The following PCDHGA2 variants were observed in gnomAD, a reference collection of about 807,000 sequenced individuals.
PCDHGA2 encodes the protein protocadherin gamma subfamily A, 2.
Under a neutral mutation model 59.2 loss-of-function variants are expected in PCDHGA2, and 40 were observed. That is an observed-to-expected ratio of 0.68 (90% confidence interval 0.52 to 0.88). The LOEUF (loss-of-function observed/expected upper bound fraction) is 0.88, where lower values mean the gene tolerates loss of function less well. Among genes scored for constraint, PCDHGA2 ranks in the 40% least tolerant of loss-of-function variants. The probability of loss-of-function intolerance (pLI) is 0.00; values close to 1 mark genes in which losing one functional copy is unlikely to be tolerated. For missense variants in PCDHGA2, 1,226 were observed against 1,204.0 expected, an observed-to-expected ratio of 1.02 and a Z score of -0.27; for synonymous variants, 560 against 526.0, an observed-to-expected ratio of 1.06 and a Z score of -0.89.
chr5:141,395,222 A>G, intron 1 of PCDHGA2: 2 of 1,611,606 alleles, frequency 1.2e-6, no homozygotes, highest in Non-Finnish European at 1.7e-6. Flanking sequence ...ATAAGAATGA[A>G]GCTGATCATG....
chr5:141,457,058 T>C (rs756862311), intron 1 of PCDHGA2, among the ~76,000 whole-genome samples: 1 of 152,230 alleles, frequency 6.6e-6, no homozygotes, highest in South Asian at 2.1e-4. Flanking sequence ...TCATGCTTCC[T>C]TTTTGCCAGT....
intron 1 of PCDHGA2, chr5:141,421,172 G>A: frequency 7.3e-7 from 1 of 1,366,164 alleles, no homozygotes; most frequent in Non-Finnish European, 9.8e-7. Context: ...AGATACATAA[G>A]CCGATTCACA....
intron 1 of PCDHGA2, among the ~76,000 whole-genome samples, chr5:141,449,868 T>C (rs902371897): frequency 1.3e-5 from 2 of 151,910 alleles, no homozygotes; most frequent in African/African-American, 4.8e-5. Flanking sequence ...AATCAGAAAA[T>C]TTAACATCAA....
chr5:141,355,044 C>A, intron 1 of PCDHGA2: 1 of 1,132,086 alleles, frequency 8.8e-7, no homozygotes, highest in Non-Finnish European at 1.2e-6. Flanking sequence ...TTCTGCAGCA[C>A]AAAGCACTGG....
Position 141,340,109 on chromosome 5 carries a change from G to C in PCDHGA2, c.1138G>C (p.Ala380Pro). Reference sequence around the variant, plus strand: ...ACATGATAGAGACTCTGGGCAGAACGCATTCACCACCTGTTCACTCCCCGA... The same window carrying C: ...ACATGATAGAGACTCTGGGCAGAACCCATTCACCACCTGTTCACTCCCCGA... The part of the protein sequence containing the change: ...NVHDRDSGQN[A>P]FTTCSLPEDL... The change falls in exon 1 of 4, where the codon GCA becomes CCA. Residue 380 changes from alanine to proline, a missense_variant. By Grantham distance (27) the Ala-to-Pro change is conservative. Coordinates refer to ENST00000394576, the MANE Select transcript of PCDHGA2 (RefSeq NM_018915.4). The C allele has an allele frequency of 6.2e-7, 1 of 1,613,938 alleles. No homozygotes were observed. The highest frequency in any genetic ancestry group is 8.5e-7 in the Non-Finnish European group (1 of 1,179,864).
Position 141,431,994 on chromosome 5 carries a change from G to A in PCDHGA2, c.2425-62813G>A, listed in dbSNP as rs2097434865. ...TTAGTCACAGACATAGTCTTGGATA[G>A]GGAACAGGTTCCTAGCTACAACATC... On this transcript the variant is annotated intron_variant, in intron 1 of 3. Coordinates refer to ENST00000394576, the MANE Select transcript of PCDHGA2 (RefSeq NM_018915.4). The surrounding 1 kb of genome is among the most constrained non-coding windows in gnomAD (Gnocchi z 4.8). 6.2e-7 allele frequency: 1 copy of A among 1,614,188 alleles called. No homozygotes were observed. Among genetic ancestry groups the A allele is most frequent in the Non-Finnish European group, 8.5e-7 (1 of 1,180,038 alleles).
At chr5:141,351,750 T>G (rs896637851) in intron 1 of PCDHGA2, 1 of 1,613,678 alleles carries the variant, frequency 6.2e-7, no homozygotes, top group African/African-American at 1.3e-5. Flanking sequence ...CCGCGGGAGC[T>G]GTTGTCCTAC....
intron 1 of PCDHGA2, chr5:141,360,948 A>G (rs1375491935): frequency 3.1e-6 from 5 of 1,613,966 alleles, no homozygotes; most frequent in Non-Finnish European, 4.2e-6. Context: ...ACCGGGATGA[A>G]GGCATAAACG....
At chr5:141,455,534 A>G (rs985347185) in intron 1 of PCDHGA2, among the ~76,000 whole-genome samples, 1 of 152,178 alleles carries the variant, frequency 6.6e-6, no homozygotes, top group Non-Finnish European at 1.5e-5. Flanking sequence ...GACCAGGCAT[A>G]TCATTCACGT....
chr5:141,475,739 T>C (rs190533989), intron 1 of PCDHGA2, among the ~76,000 whole-genome samples: 593 of 152,384 alleles, frequency 3.9e-3, no homozygotes, highest in Non-Finnish European at 6.7e-3. Flanking sequence ...TTCCCTAAGG[T>C]AGGTTTCCTA....
chr5:141,399,506 A>G, intron 1 of PCDHGA2: 1 of 1,613,982 alleles, frequency 6.2e-7, no homozygotes, highest in Non-Finnish European at 8.5e-7. Flanking sequence ...GTACCCGAAA[A>G]CAACCCTCCT....
intron 1 of PCDHGA2, chr5:141,418,245 A>G: frequency 5.6e-6 from 9 of 1,614,046 alleles, no homozygotes; most frequent in Non-Finnish European, 7.6e-6. Flanking sequence ...GTTAATGACC[A>G]CGCCCCTCAA....
intron 1 of PCDHGA2, chr5:141,417,066 T>C (rs1373522268): frequency 6.6e-6 from 1 of 152,110 alleles, no homozygotes; most frequent in Non-Finnish European, 1.5e-5. Context: ...ACATTGTAGC[T>C]ATTGTGAGAA....
chr5:141,357,132 G>A, intron 1 of PCDHGA2: 1 of 1,613,550 alleles, frequency 6.2e-7, no homozygotes. Flanking sequence ...GGCTTGTAGT[G>A]GTCGTCCAGG....
At chr5:141,413,812 C>T in intron 1 of PCDHGA2, 2 of 1,613,144 alleles carry the variant, frequency 1.2e-6, no homozygotes, top group Non-Finnish European at 1.7e-6. Flanking sequence ...GGCCATTCAC[C>T]ACCTGGTCCT....
At chr5:141,409,986 A>G (rs995773112) in intron 1 of PCDHGA2, 27 of 1,612,796 alleles carry the variant, frequency 1.7e-5, no homozygotes, top group Non-Finnish European at 2.2e-5. Context: ...GTAGCGGTGG[A>G]CGCCGACTCG....
chr5:141,433,174 G>A (rs1298757358), intron 1 of PCDHGA2: 1 of 1,610,308 alleles, frequency 6.2e-7, no homozygotes, highest in Non-Finnish European at 8.5e-7. Context: ...ACAGTCATGG[G>A]TTAATTGAGG....
intron 1 of PCDHGA2, 134 bp from the exon 2 acceptor site, chr5:141,494,673 C>G: frequency 4.5e-6 from 7 of 1,542,992 alleles, no homozygotes; most frequent in Non-Finnish European, 6.1e-6. Flanking sequence ...GATGAGTCCA[C>G]CCCTGCCCCC....
chr5:141,418,749 C>A, intron 1 of PCDHGA2: 1 of 1,613,866 alleles, frequency 6.2e-7, no homozygotes, highest in South Asian at 1.1e-5. Flanking sequence ...CTGGATTACA[C>A]TACAGGAAAC....
Sources: gnomAD v4.1 joint callset for allele counts (sites outside exome capture counted in the v4.1 genomes callset) on GRCh38, gnomAD v4.1.1 for gene constraint, Gnocchi (gnomAD v3.1) non-coding constraint, MANE v1.5 for transcripts, NCBI Gene and HGNC (gene_info 2026-07-23, HGNC 2026-07-21) for gene names.